CLEC16A: variants seen among roughly 807,000 people sequenced by gnomAD.
CLEC16A encodes the protein C-type lectin domain containing 16A, also known as protein CLEC16A.
CLEC16A carries 51 observed loss-of-function variants against 109.5 expected under a neutral mutation model. The observed-to-expected ratio is 0.47, with a 90% confidence interval of 0.37 to 0.59. CLEC16A has a LOEUF of 0.59. Ranked by LOEUF, CLEC16A falls within the 20% of genes least tolerant of loss-of-function variation. The pLI is 0.00. For synonymous variants in CLEC16A, 673 were observed against 564.2 expected, an observed-to-expected ratio of 1.19 and a Z score of -2.73; for missense variants, 1,339 against 1,394.0, an observed-to-expected ratio of 0.96 and a Z score of 0.63.
intron 10 of CLEC16A, among the ~76,000 whole-genome samples, chr16:11,001,701 G>A (rs533375434): frequency 9.2e-5 from 14 of 152,128 alleles, no homozygotes; most frequent in Non-Finnish European, 1.6e-4. Flanking sequence ...GAGTGTAGTG[G>A]CACGATCTCG....
intron 23 of CLEC16A, among the ~76,000 whole-genome samples, 190 bp downstream of exon 23, chr16:11,166,742 C>T (rs1420301597): frequency 6.6e-6 from 1 of 152,222 alleles, no homozygotes; most frequent in African/African-American, 2.4e-5. Context: ...TGGGTCAGCT[C>T]CCAGATGGGG....
chr16:11,043,971 C>T (rs746215722), intron 15 of CLEC16A, 57 bp from the exon 16 acceptor site: 7 of 1,439,944 alleles, frequency 4.9e-6, no homozygotes, highest in South Asian at 3.9e-5. Flanking sequence ...GTAGTTTGCC[C>T]GACTTGCTCA....
intron 12 of CLEC16A, among the ~76,000 whole-genome samples, chr16:11,023,911 T>TA (rs1264915269): frequency 3.3e-5 from 5 of 152,246 alleles, no homozygotes; most frequent in Non-Finnish European, 7.3e-5. Flanking sequence ...GACCTGTGCA[T>TA]ATTCTATTCT....
At chr16:11,040,001 C>T in intron 14 of CLEC16A, 125 bp downstream of exon 14, 1 of 1,192,204 alleles carries the variant, frequency 8.4e-7, no homozygotes, top group Non-Finnish European at 1.1e-6. Flanking sequence ...CCCAACCTCT[C>T]CCTCTGCCTC....
In CLEC16A at chr16:11,003,086, A is replaced by G; in HGVS notation, c.1084A>G (p.Ile362Val). 1 of 1,610,916 alleles carries G rather than the reference A, an allele frequency of 6.2e-7. No individual in the cohort carries two copies. Among genetic ancestry groups the G allele is most frequent in the Non-Finnish European group, 8.5e-7 (1 of 1,179,042 alleles). ...DIQRSSAKPS[I>V]RCFIKPTETL... ...TGGACTTTCCTAGGCCAAGCCCAGC[A>G]TTCGGTGCTTCATTAAACCCACCGA... The change falls in exon 11 of 24, where the codon ATT (isoleucine) becomes GTT (valine). Residue 362 changes from isoleucine to valine, a missense_variant. Transcript: ENST00000409790.
chr16:10,959,014 G>GTGT (rs2042124588), intron 2 of CLEC16A, among the ~76,000 whole-genome samples: 2 of 146,190 alleles, frequency 1.4e-5, no homozygotes, highest in African/African-American at 5.1e-5. Flanking sequence ...ACTAAACACG[G>GTGT]GTGTGTGTGT....
intron 18 of CLEC16A, among the ~76,000 whole-genome samples, chr16:11,058,957 A>C (rs1232476808): frequency 6.6e-6 from 1 of 152,164 alleles, no homozygotes; most frequent in Non-Finnish European, 1.5e-5. Flanking sequence ...CAAGCTGCCA[A>C]ATATTTCAAG....
At chr16:10,967,063 C>G (rs192809496) in intron 3 of CLEC16A, among the ~76,000 whole-genome samples, 2 of 152,172 alleles carry the variant, frequency 1.3e-5, no homozygotes, top group African/African-American at 4.8e-5. Flanking sequence ...GTGTTATGAG[C>G]AGGCGATTTT....
intron 16 of CLEC16A, among the ~76,000 whole-genome samples, chr16:11,044,693 G>A (rs572889591): frequency 2.0e-5 from 3 of 152,258 alleles, no homozygotes; most frequent in Non-Finnish European, 4.4e-5. Context: ...CACTTTGGGA[G>A]GCCGAGGCAG....
At position 11,003,253 on chromosome 16, in the gene CLEC16A, T is replaced by C. The variant is rs781337434; in HGVS notation, c.1251T>C (p.Ala417=). ...ATGCCCAAGAAGACGCCGAGAAGGC[T>C]AAAGGTACAGAGGGTGGTTCAAAAG... ...TEDAQEDAEK[A]KGTEGGSKGI... The change falls in exon 11 of 24, where the codon GCT becomes GCC. Residue 417 remains alanine, a synonymous_variant. Coordinates refer to ENST00000409790, the MANE Select transcript of CLEC16A (RefSeq NM_015226.3). 3 of 1,612,162 alleles carry C rather than the reference T, an allele frequency of 1.9e-6. No homozygotes were observed. Among genetic ancestry groups the C allele is most frequent in the East Asian group, 2.2e-5 (1 of 44,828 alleles).
At chr16:11,116,712 A>G (rs1244540812) in intron 19 of CLEC16A, among the ~76,000 whole-genome samples, 1 of 152,198 alleles carries the variant, frequency 6.6e-6, no homozygotes, top group African/African-American at 2.4e-5. Flanking sequence ...TGGAGAATGC[A>G]TGAGCCCAGT....
intron 13 of CLEC16A, among the ~76,000 whole-genome samples, chr16:11,028,216 G>T (rs1567215460): frequency 1.3e-5 from 2 of 152,112 alleles, no homozygotes; most frequent in Non-Finnish European, 2.9e-5. Context: ...AGAAAAGACA[G>T]TAGCTTATGT....
chr16:11,117,782 A>T (rs1263927792), intron 19 of CLEC16A, among the ~76,000 whole-genome samples: 1 of 152,128 alleles, frequency 6.6e-6, no homozygotes, highest in Non-Finnish European at 1.5e-5. Flanking sequence ...AAAAAATTGC[A>T]CTCAAATAGT....
chr16:11,062,198 G>A (rs866310726), intron 19 of CLEC16A, among the ~76,000 whole-genome samples: 3 of 152,220 alleles, frequency 2.0e-5, no homozygotes, highest in South Asian at 2.1e-4. Context: ...GGGAAGAGGC[G>A]ACCCTCAAAG....
In CLEC16A at chr16:11,178,593, C is replaced by G. The variant is rs1368673623; in HGVS notation, c.3065C>G (p.Thr1022Ser). Reference sequence around the variant, plus strand: ...GACCCCCACAGCCTCCGCAGCCTCACCGGCATGCCCCCGCTGTCCACGCCG... The same window carrying G: ...GACCCCCACAGCCTCCGCAGCCTCAGCGGCATGCCCCCGCTGTCCACGCCG... ...PVDPHSLRSLTGMPPLSTPAA... is the reference protein window; with the variant it reads ...PVDPHSLRSLSGMPPLSTPAA... The change falls in exon 24 of 24, where the codon ACC becomes AGC. Residue 1022 changes from threonine to serine, a missense_variant. This residue lies in a region of CLEC16A where 1,061 missense variants were observed against 1,006.8 expected (regional missense o/e 1.05). Coordinates refer to ENST00000409790, the MANE Select transcript of CLEC16A (RefSeq NM_015226.3). This position sits in a 1 kb window ranked among gnomAD's most constrained non-coding sequence, Gnocchi z 6.5. 6.2e-7 allele frequency: 1 copy of G among 1,608,868 alleles called. No individual in the cohort carries two copies. Among genetic ancestry groups the G allele is most frequent in the East Asian group, 2.2e-5 (1 of 44,866 alleles).
intron 10 of CLEC16A, among the ~76,000 whole-genome samples, chr16:10,992,716 G>C (rs75206796): frequency 6.6e-6 from 1 of 151,892 alleles, no homozygotes; most frequent in South Asian, 2.1e-4. Flanking sequence ...AGTAATTGTT[G>C]AGCCCCTACA....
chr16:10,951,037 G>C (rs2041703356), intron 1 of CLEC16A, among the ~76,000 whole-genome samples: 2 of 152,218 alleles, frequency 1.3e-5, no homozygotes, highest in African/African-American at 4.8e-5. Flanking sequence ...ATTTTTGAAG[G>C]ATATGGGGCA....
At chr16:11,050,325 A>G (rs950315009) in intron 17 of CLEC16A, among the ~76,000 whole-genome samples, 4 of 152,168 alleles carry the variant, frequency 2.6e-5, no homozygotes, top group African/African-American at 9.7e-5. Flanking sequence ...CACATGAACT[A>G]TGGGGGACAC....
At chr16:11,027,130 T>A in intron 13 of CLEC16A, 1 of 1,489,230 alleles carries the variant, frequency 6.7e-7, no homozygotes, top group Non-Finnish European at 9.3e-7. Context: ...CAGGAACTTT[T>A]GGCAAAGAAG....
Sources: gnomAD v4.1 joint callset for allele counts (sites outside exome capture counted in the v4.1 genomes callset) on GRCh38, gnomAD v4.1.1 for gene constraint, gnomAD v4.1.1 regional missense constraint, Gnocchi (gnomAD v3.1) non-coding constraint, MANE v1.5 for transcripts, NCBI Gene and HGNC (gene_info 2026-07-23, HGNC 2026-07-21) for gene names.